TRIO: variants seen among roughly 807,000 people sequenced by gnomAD.
TRIO encodes the protein trio Rho guanine nucleotide exchange factor.
TRIO carries 58 observed loss-of-function variants against 351.9 expected under a neutral mutation model. The ratio of observed to expected loss-of-function variants is 0.16; its 90% CI spans 0.13 to 0.21. The LOEUF (loss-of-function observed/expected upper bound fraction) is 0.21. TRIO is among the 10% of genes least tolerant of loss of function. TRIO has a pLI of 1.00. For missense variants in TRIO, 3,201 were observed against 4,027.8 expected (o/e 0.79, Z 5.56); for synonymous variants, 1,758 against 1,595.7 (o/e 1.10, Z -2.42).
chr5:14,162,604 G>A (rs566478062), intron 1 of TRIO, among the ~76,000 whole-genome samples: 2 of 152,188 alleles, frequency 1.3e-5, no homozygotes, highest in Admixed American at 1.3e-4. Context: ...CAGTTCCCTG[G>A]ATATATAGAA....
At chr5:14,353,337 C>T (rs1409035972) in intron 11 of TRIO, among the ~76,000 whole-genome samples, 1 of 140,250 alleles carries the variant, frequency 7.1e-6, no homozygotes, top group Non-Finnish European at 1.5e-5. Flanking sequence ...GATCTCAGTT[C>T]ACTGCACCCT....
chr5:14,364,013 A>C, intron 14 of TRIO, 86 bp downstream of exon 14: 3 of 1,365,098 alleles, frequency 2.2e-6, no homozygotes, highest in Non-Finnish European at 3.0e-6. Context: ...ATGACTGCAA[A>C]TTTTGTTAGT....
intron 11 of TRIO, 51 bp from the exon 12 acceptor site, chr5:14,358,127 C>A: frequency 6.4e-7 from 1 of 1,574,082 alleles, no homozygotes; most frequent in Non-Finnish European, 8.6e-7. Flanking sequence ...GGCGGCCCAC[C>A]TGGTGGTGCA....
chr5:14,419,587 T>A (rs1749941713), intron 33 of TRIO, among the ~76,000 whole-genome samples, 191 bp from the exon 34 acceptor site: 1 of 152,170 alleles, frequency 6.6e-6, no homozygotes, highest in Non-Finnish European at 1.5e-5. Context: ...TGTCTCAGGT[T>A]CAAGAAATTT....
In TRIO at chr5:14,497,800, T is replaced by TAAA. The variant is rs754641522; in HGVS notation, c.8020-46_8020-44dup. ...GCCCTGGAATGAAAGGAATACACCT[T>TAAA]AAAGTAGCTCATTTCAGTTAATGCT... On this transcript the variant is annotated intron_variant, in intron 50 of 56. Coordinates refer to ENST00000344204, the MANE Select transcript of TRIO (RefSeq NM_007118.4). This position sits in a 1 kb window ranked among gnomAD's most constrained non-coding sequence, Gnocchi z 4.4. 2 of 1,612,916 alleles carry TAAA rather than the reference T, an allele frequency of 1.2e-6. No individual in the cohort carries two copies. Among genetic ancestry groups the TAAA allele is most frequent in the South Asian group, 2.2e-5 (2 of 91,050 alleles).
chr5:14,425,845 G>C (rs1750597084), intron 34 of TRIO, among the ~76,000 whole-genome samples: 1 of 152,178 alleles, frequency 6.6e-6, no homozygotes, highest in South Asian at 2.1e-4. Flanking sequence ...CCAGCGCCTG[G>C]ATCTCAGACT....
chr5:14,291,816 A>AAAAAAAAAAAAAAT (rs1736940042), intron 5 of TRIO, among the ~76,000 whole-genome samples: 1 of 142,534 alleles, frequency 7.0e-6, no homozygotes, highest in Non-Finnish European at 1.5e-5. Context: ...AAAAAAAAAA[A>AAAAAAAAAAAAAAT]GTGAAAATTT....
intron 8 of TRIO, among the ~76,000 whole-genome samples, chr5:14,306,045 GA>G (rs1471784192): frequency 1.3e-5 from 2 of 152,206 alleles, no homozygotes; most frequent in Admixed American, 1.3e-4. Flanking sequence ...TCTACATTGT[GA>G]TGTTCACACA....
At position 14,364,704 on chromosome 5, in the gene TRIO, T is replaced by A; in HGVS notation, c.2642T>A (p.Leu881Gln). Residue 881 changes from leucine to glutamine, a missense_variant, in exon 15 of 57, where the codon CTG becomes CAG. Around this residue, in one of 19 missense-constraint regions of TRIO, gnomAD observed 363 missense variants for 553.5 expected, o/e 0.66. Coordinates refer to ENST00000344204, the MANE Select transcript of TRIO (RefSeq NM_007118.4). ...GACATGGCAACTCGGGTCCAGGACC[T>A]GCTGGAGTTTCTTCATGAAAAACAG... is the stretch of plus-strand genomic sequence containing the variant. ...DVDMATRVQD[L>Q]LEFLHEKQQE... The A allele has an allele frequency of 6.2e-7, 1 of 1,613,788 alleles. No individual in the cohort carries two copies. Among genetic ancestry groups the A allele is most frequent in the African/African-American group, 1.3e-5 (1 of 75,052 alleles).
At chr5:14,281,436 C>G (rs990445662) in intron 3 of TRIO, among the ~76,000 whole-genome samples, 9 of 123,934 alleles carry the variant, frequency 7.3e-5, no homozygotes, top group East Asian at 2.9e-4. Context: ...CCCCCCCCCC[C>G]GCCCCGTGAT....
At chr5:14,450,507 G>A (rs1752778024) in intron 34 of TRIO, among the ~76,000 whole-genome samples, 1 of 151,970 alleles carries the variant, frequency 6.6e-6, no homozygotes, top group Non-Finnish European at 1.5e-5. Context: ...TGGCAGTGCT[G>A]TGTTGGGCCT....
chr5:14,452,890 A>T (rs3827604), intron 34 of TRIO, among the ~76,000 whole-genome samples: 5 of 147,104 alleles, frequency 3.4e-5, no homozygotes, highest in African/African-American at 5.2e-5. Context: ...TCCTTTTTTT[A>T]AAAAAAACTT....
intron 34 of TRIO, among the ~76,000 whole-genome samples, chr5:14,433,555 G>A (rs1411347853): frequency 6.6e-6 from 1 of 152,150 alleles, no homozygotes; most frequent in African/African-American, 2.4e-5. Context: ...CAGGGAGGTG[G>A]CGAAAGGAAA....
At chr5:14,482,023 G>C (rs925195432) in intron 45 of TRIO, among the ~76,000 whole-genome samples, 2 of 152,010 alleles carry the variant, frequency 1.3e-5, no homozygotes, top group Admixed American at 1.3e-4. Flanking sequence ...AGATATGTTT[G>C]CATGAGTTGC....
At chr5:14,494,089 G>A (rs113933132) in intron 49 of TRIO, among the ~76,000 whole-genome samples, 1,904 of 152,330 alleles carry the variant, frequency 0.012, 43 homozygotes, top group African/African-American at 0.043. Context: ...GGCTAATGCA[G>A]CTGGTGGCTT....
At chr5:14,337,620 G>A (rs1741544232) in intron 11 of TRIO, among the ~76,000 whole-genome samples, 2 of 152,188 alleles carry the variant, frequency 1.3e-5, no homozygotes, top group Non-Finnish European at 2.9e-5. Context: ...ACTGGGGAAA[G>A]AGGGGAGGGC....
chr5:14,293,449 C>T (rs1737080201), intron 6 of TRIO, among the ~76,000 whole-genome samples: 1 of 152,234 alleles, frequency 6.6e-6, no homozygotes, highest in African/African-American at 2.4e-5. Flanking sequence ...GGGGCCCCAG[C>T]AAAGCTGCTG....
chr5:14,371,736 G>T (rs1322085401), intron 18 of TRIO, among the ~76,000 whole-genome samples: 1 of 151,594 alleles, frequency 6.6e-6, no homozygotes, highest in Non-Finnish European at 1.5e-5. Context: ...AGACTCCTGG[G>T]CTTAAGTGAT....
chr5:14,271,831 C>T (rs1246667273), intron 2 of TRIO, among the ~76,000 whole-genome samples: 1 of 152,128 alleles, frequency 6.6e-6, no homozygotes, highest in Non-Finnish European at 1.5e-5. Context: ...GTTTTTCTGT[C>T]CTTTGGACAT....
Sources: allele counts gnomAD v4.1 joint callset (sites outside exome capture counted in the v4.1 genomes callset), GRCh38; gene constraint gnomAD v4.1.1; regional missense constraint gnomAD v4.1.1; non-coding constraint Gnocchi (gnomAD v3.1); transcripts MANE v1.5; gene names NCBI Gene and HGNC (gene_info 2026-07-23, HGNC 2026-07-21).